Variants in AGR2 observed in about 807,000 individuals in gnomAD.
AGR2 encodes anterior gradient protein 2 homolog.
AGR2 carries 27 observed loss-of-function variants against 25.9 expected under a neutral mutation model. The observed-to-expected ratio is 1.04, with a 90% CI of 0.77 to 1.44. The LOEUF (loss-of-function observed/expected upper bound fraction) is 1.44, where lower values mean the gene tolerates loss of function less well. Among genes scored for constraint, AGR2 ranks in the 40% most tolerant of loss-of-function variants. The probability of loss-of-function intolerance (pLI) is 0.00; values close to 1 mark genes in which losing one functional copy is unlikely to be tolerated. For synonymous variants in AGR2, 78 were observed against 72.0 expected, an observed-to-expected ratio of 1.08 and a Z score of -0.42; for missense variants, 182 against 200.9, an observed-to-expected ratio of 0.91 and a Z score of 0.57.
intron 1 of AGR2, among the ~76,000 whole-genome samples, chr7:16,802,382 C>G (rs1785164050): frequency 6.6e-6 from 1 of 152,172 alleles, no homozygotes; most frequent in African/African-American, 2.4e-5. Context: ...AATGGGGGAA[C>G]TACCGTAATA....
In AGR2 at chr7:16,801,649, G is replaced by C. The variant is rs1326033567; in HGVS notation, c.139+9C>G. On this transcript the variant is annotated intron_variant, in intron 2 of 7. Transcript: ENST00000419304. ...AGCAGTTGGAAGCCAACAAGAAGCT[G>C]ACTCCTACCTCTGGAGAGGGTCTGG... The C allele has an allele frequency of 1.7e-5, 28 of 1,613,736 alleles. No individual in the cohort carries two copies. Among genetic ancestry groups the C allele is most frequent in the Non-Finnish European group, 2.1e-5 (25 of 1,179,966 alleles).
At chr7:16,796,417 T>A (rs550509271) in intron 6 of AGR2, among the ~76,000 whole-genome samples, 30 of 152,360 alleles carry the variant, frequency 2.0e-4, no homozygotes, top group Non-Finnish European at 3.2e-4. Flanking sequence ...TTCTTCCTTT[T>A]TTTCTATTTC....
At chr7:16,804,047 CTATTGATA>C (rs1349787026) in intron 1 of AGR2, among the ~76,000 whole-genome samples, 5 of 152,156 alleles carry the variant, frequency 3.3e-5, no homozygotes, top group African/African-American at 1.2e-4. Flanking sequence ...CAGGTTGGAA[CTATTGATA>C]TATTGCTTGT....
intron 4 of AGR2, 144 bp downstream of exon 4, chr7:16,801,007 G>T: frequency 1.7e-6 from 1 of 598,438 alleles, no homozygotes; most frequent in Non-Finnish European, 2.8e-6. Context: ...GATATTTGAA[G>T]TCACTTTTAA....
chr7:16,803,326 T>G (rs899791005), intron 1 of AGR2: 6 of 152,058 alleles, frequency 3.9e-5, no homozygotes, highest in Admixed American at 1.3e-4. Flanking sequence ...GGCTGGAGAT[T>G]TGGGATTCTG....
intron 5 of AGR2, among the ~76,000 whole-genome samples, chr7:16,798,938 A>G (rs960097615): frequency 2.0e-5 from 3 of 152,240 alleles, no homozygotes; most frequent in Non-Finnish European, 4.4e-5. Flanking sequence ...TGGATAGACA[A>G]TTTGGAAGTT....
At position 16,792,779 on chromosome 7, in the gene AGR2, T is replaced by C. The variant is rs1784984011; in HGVS notation, c.*129A>G. 4.6e-6 allele frequency: 4 copies of C among 860,368 alleles called. No individual in the cohort carries two copies. The highest frequency in any genetic ancestry group is 7.5e-6 in the Non-Finnish European group (4 of 532,560). 53.3% of individuals were successfully genotyped at this position (860,368 alleles called of 1,614,324 possible). Reference sequence around the variant, plus strand: ...AAACTTGTTTTTCTTAAAAAATAGTTGTTGTAACATTAAACCATAACCTAA... The same window carrying C: ...AAACTTGTTTTTCTTAAAAAATAGTCGTTGTAACATTAAACCATAACCTAA... On this transcript the variant is annotated 3_prime_UTR_variant, in exon 8 of 8. Coordinates refer to ENST00000419304, the MANE Select transcript of AGR2 (RefSeq NM_006408.4).
intron 5 of AGR2, 93 bp from the exon 6 acceptor site, chr7:16,797,787 G>T: frequency 1.0e-6 from 1 of 968,572 alleles, no homozygotes; most frequent in Non-Finnish European, 1.6e-6. Context: ...TTCCGGCCAG[G>T]CATCTCAAGA....
intron 1 of AGR2, 83 bp downstream of exon 1, chr7:16,804,848 CTTGA>C (rs1201534002): frequency 1.3e-5 from 2 of 152,290 alleles, no homozygotes; most frequent in African/African-American, 4.8e-5. Context: ...TTCTCTGTTG[CTTGA>C]TTGCCTACAA....
intron 1 of AGR2, among the ~76,000 whole-genome samples, chr7:16,802,217 A>G (rs1785161002): frequency 1.3e-5 from 2 of 152,146 alleles, no homozygotes; most frequent in Non-Finnish European, 2.9e-5. Context: ...CTGTTTTATT[A>G]TTAGCTCTTA....
chr7:16,801,295 A>G (rs199701708), intron 3 of AGR2, 25 bp downstream of exon 3: 1 of 1,612,470 alleles, frequency 6.2e-7, no homozygotes, highest in East Asian at 2.2e-5. Context: ...GCTTTGAGGG[A>G]GCTCTGAGTA....
intron 5 of AGR2, among the ~76,000 whole-genome samples, chr7:16,798,245 A>G (rs1289911193): frequency 6.6e-6 from 1 of 152,220 alleles, no homozygotes; most frequent in Admixed American, 6.5e-5. Flanking sequence ...TTAGCCCAGA[A>G]TGCAGATTCC....
At chr7:16,795,439 G>C (rs1396562453) in intron 6 of AGR2, among the ~76,000 whole-genome samples, 1 of 149,910 alleles carries the variant, frequency 6.7e-6, no homozygotes, top group African/African-American at 2.5e-5. Flanking sequence ...TCCAATGCTA[G>C]TTTTCAAAAC....
intron 1 of AGR2, among the ~76,000 whole-genome samples, 169 bp downstream of exon 1, chr7:16,804,766 C>G (rs552229239): frequency 6.0e-5 from 9 of 149,188 alleles, no homozygotes; most frequent in Non-Finnish European, 1.0e-4. Flanking sequence ...AAGAAAGGCC[C>G]CAGTAAGACT....
At chr7:16,803,396 G>C (rs185264854) in intron 1 of AGR2, among the ~76,000 whole-genome samples, 1 of 152,276 alleles carries the variant, frequency 6.6e-6, no homozygotes, top group East Asian at 1.9e-4. Context: ...CCTAACTCTA[G>C]TATTGGTGAA....
In AGR2 at chr7:16,799,782, G is replaced by A; in HGVS notation, c.292C>T (p.Gln98Ter). The A allele has an allele frequency of 6.2e-7, 1 of 1,613,014 alleles. No individual in the cohort carries two copies. The highest frequency in any genetic ancestry group is 1.7e-5 in the Admixed American group (1 of 59,926). ...AGGACAAACTGCTCTGCCAATTTCT[G>A]GATTTCTTTATTTTCAGCAAACACT... ...KKVFAENKEI[Q>*]KLAEQFVLLN... The change falls in exon 5 of 8, where the codon CAG becomes TAG. Residue 98 changes from glutamine (Q) to a stop codon, truncating the protein, a stop_gained. Transcript: ENST00000419304. LOFTEE classifies it high-confidence loss of function.
At chr7:16,803,716 C>T (rs1785185902) in intron 1 of AGR2, among the ~76,000 whole-genome samples, 1 of 152,082 alleles carries the variant, frequency 6.6e-6, no homozygotes, top group African/African-American at 2.4e-5. Flanking sequence ...TAGAGTTTTG[C>T]AAAAACAACC....
At chr7:16,802,205 T>C (rs2115361010) in intron 1 of AGR2, among the ~76,000 whole-genome samples, 1 of 152,294 alleles carries the variant, frequency 6.6e-6, no homozygotes, top group East Asian at 1.9e-4. Context: ...GTTGTAATTG[T>C]TCTGTTTTAT....
At chr7:16,802,437 C>G (rs1389352699) in intron 1 of AGR2, among the ~76,000 whole-genome samples, 2 of 152,158 alleles carry the variant, frequency 1.3e-5, no homozygotes, top group East Asian at 3.8e-4. Context: ...CGTAAATGTG[C>G]TCAGAACACT....
Sources: gnomAD v4.1 joint callset for allele counts (sites outside exome capture counted in the v4.1 genomes callset) on GRCh38, gnomAD v4.1.1 for gene constraint, MANE v1.5 for transcripts, NCBI Gene and HGNC (gene_info 2026-07-23, HGNC 2026-07-21) for gene names.